Variants in GTF2A2 observed in about 807,000 individuals in gnomAD.
The protein encoded by GTF2A2 is general transcription factor IIA subunit 2.
Under a neutral mutation model 14.3 loss-of-function variants are expected in GTF2A2, and 9 were observed. That is an observed-to-expected ratio of 0.63 (90% confidence interval 0.38 to 1.10). GTF2A2 has a LOEUF of 1.10. Among genes scored for constraint, GTF2A2 ranks in the 50% least tolerant of loss-of-function variants. GTF2A2 has a pLI of 0.01. For synonymous variants in GTF2A2, 56 were observed against 46.0 expected (o/e 1.22, Z -0.88); for missense variants, 90 against 124.6 (o/e 0.72, Z 1.32).
At chr15:59,647,185 T>C (rs1891633629) in intron 3 of GTF2A2, among the ~76,000 whole-genome samples, 1 of 152,132 alleles carries the variant, frequency 6.6e-6, no homozygotes, top group African/African-American at 2.4e-5. Context: ...CACAACCTCC[T>C]GGGCTCAAGC....
intron 1 of GTF2A2, 31 bp from the exon 2 acceptor site, chr15:59,652,357 G>C: frequency 5.4e-6 from 4 of 740,974 alleles, no homozygotes; most frequent in Non-Finnish European, 9.2e-6. Context: ...TGTTAAAAAA[G>C]ATCATACTGT....
In GTF2A2 at chr15:59,639,086, G is replaced by GCAATGAATAACAGAAGA; in HGVS notation, c.*29_*45dup. Reference sequence around the variant, plus strand: ...GTCTCTTCTATGCTTCTCTTCAAAAGCAATGAATAACAGAAGATGGTGTAA... The same window carrying GCAATGAATAACAGAAGA: ...GTCTCTTCTATGCTTCTCTTCAAAAGCAATGAATAACAGAAGACAATGAATAACAGAAGATGGTGTAA... On this transcript the variant is annotated 3_prime_UTR_variant, in exon 5 of 5. Coordinates refer to ENST00000396060, the MANE Select transcript of GTF2A2 (RefSeq NM_004492.3). The GCAATGAATAACAGAAGA allele has an allele frequency of 2.7e-6, 3 of 1,100,360 alleles. No individual in the cohort carries two copies. The highest frequency in any genetic ancestry group is 4.2e-6 in the Non-Finnish European group (3 of 714,940). The allele number at this position is 1,100,360 out of a possible 1,614,324, so 68.2% of individuals were successfully genotyped here.
At chr15:59,648,761 CCT>C (rs1250894027) in intron 3 of GTF2A2, among the ~76,000 whole-genome samples, 6 of 151,852 alleles carry the variant, frequency 4.0e-5, no homozygotes, top group Admixed American at 2.0e-4. Flanking sequence ...GGTGAAACCC[CCT>C]CTCTACTAAA....
chr15:59,656,844 T>C (rs1354912375), intron 1 of GTF2A2: 3 of 152,250 alleles, frequency 2.0e-5, no homozygotes, highest in African/African-American at 7.2e-5. Context: ...TTAAGTGTTC[T>C]AATCTTTTAG....
intron 1 of GTF2A2, among the ~76,000 whole-genome samples, chr15:59,656,429 T>G (rs553699397): frequency 1.9e-3 from 35 of 18,532 alleles, no homozygotes; most frequent in African/African-American, 0.01. Flanking sequence ...TATATTTCTC[T>G]TTTTTTTTTT....
At chr15:59,639,658 C>T (rs1347231221) in intron 4 of GTF2A2, among the ~76,000 whole-genome samples, 1 of 151,936 alleles carries the variant, frequency 6.6e-6, no homozygotes, top group African/African-American at 2.4e-5. Flanking sequence ...CGGGGTTTCA[C>T]CATGTTAGCC....
At chr15:59,653,948 C>T (rs111470658) in intron 1 of GTF2A2, among the ~76,000 whole-genome samples, 28 of 152,260 alleles carry the variant, frequency 1.8e-4, no homozygotes, top group South Asian at 1.7e-3. Flanking sequence ...CCTTTCAGCT[C>T]GTCCTTCTAA....
intron 3 of GTF2A2, among the ~76,000 whole-genome samples, chr15:59,645,273 T>C (rs1284542148): frequency 6.6e-6 from 1 of 152,166 alleles, no homozygotes; most frequent in Non-Finnish European, 1.5e-5. Flanking sequence ...GGAGAAAGCA[T>C]GTGATTATGA....
At chr15:59,639,852 G>C (rs1472484791) in intron 4 of GTF2A2, among the ~76,000 whole-genome samples, 1 of 152,086 alleles carries the variant, frequency 6.6e-6, no homozygotes, top group Non-Finnish European at 1.5e-5. Context: ...TCGGGTTTAA[G>C]CAATTGTCCT....
chr15:59,646,456 C>T (rs889950777), intron 3 of GTF2A2, among the ~76,000 whole-genome samples: 1 of 152,108 alleles, frequency 6.6e-6, no homozygotes, highest in African/African-American at 2.4e-5. Flanking sequence ...GCCTTTGTGT[C>T]CTCATAGCTT....
chr15:59,649,556 A>T (rs1035547563), intron 3 of GTF2A2, among the ~76,000 whole-genome samples: 1 of 152,188 alleles, frequency 6.6e-6, no homozygotes, highest in East Asian at 1.9e-4. Context: ...AAAAAAACAC[A>T]AACTAATTTT....
intron 3 of GTF2A2, among the ~76,000 whole-genome samples, chr15:59,644,993 A>G (rs1891554728): frequency 6.6e-6 from 1 of 152,196 alleles, no homozygotes; most frequent in Non-Finnish European, 1.5e-5. Context: ...AGCTGGGTGA[A>G]TCAGAGAGGT....
Position 59,639,072 on chromosome 15 carries a change from G to A in GTF2A2, c.*60C>T. The A allele has an allele frequency of 3.2e-6, 3 of 946,896 alleles. No homozygotes were observed. The highest frequency in any genetic ancestry group is 2.4e-5 in the East Asian group (1 of 41,378). The allele number at this position is 946,896 out of a possible 1,614,324, so 58.7% of individuals were successfully genotyped here. A position where few individuals can be genotyped will look rare whatever the true frequency, so the allele number is the denominator to read the frequency against. Reference sequence around the variant, plus strand: ...AGAATAAATAAAAAGTCTCTTCTATGCTTCTCTTCAAAAGCAATGAATAAC... The same window carrying A: ...AGAATAAATAAAAAGTCTCTTCTATACTTCTCTTCAAAAGCAATGAATAAC... On this transcript the variant is annotated 3_prime_UTR_variant, in exon 5 of 5. Transcript: ENST00000396060.
At chr15:59,639,344 G>A (rs1410278385) in intron 4 of GTF2A2, among the ~76,000 whole-genome samples, 187 bp from the exon 5 acceptor site, 1 of 152,152 alleles carries the variant, frequency 6.6e-6, no homozygotes, top group African/African-American at 2.4e-5. Context: ...TTCCTTTTAA[G>A]CAGAGATACA....
At chr15:59,642,859 C>T (rs1595667920) in intron 3 of GTF2A2, among the ~76,000 whole-genome samples, 1 of 152,056 alleles carries the variant, frequency 6.6e-6, no homozygotes, top group African/African-American at 2.4e-5. Flanking sequence ...CTCCACCTCC[C>T]AGGTTCAAGA....
At chr15:59,643,873 C>T (rs1186263158) in intron 3 of GTF2A2, among the ~76,000 whole-genome samples, 7 of 151,686 alleles carry the variant, frequency 4.6e-5, no homozygotes, top group Non-Finnish European at 7.4e-5. Flanking sequence ...TTTGGAATTA[C>T]AGGCGTGAGC....
At position 59,643,165 on chromosome 15, in the gene GTF2A2, C is replaced by T. The variant is rs554917430; in HGVS notation, c.178-903G>A. On this transcript the variant is annotated intron_variant, in intron 3 of 4. Transcript: ENST00000396060. Reference sequence around the variant, plus strand: ...TGAGATCTTGGATCACTGCAACCTCCGCCACCCAAGTTCAAGCTATTCTCC... The same window carrying T: ...TGAGATCTTGGATCACTGCAACCTCTGCCACCCAAGTTCAAGCTATTCTCC... 1.5e-3 allele frequency among the ~76,000 whole-genome samples: 222 copies of T among 149,626 alleles called. 2 individuals are homozygous for T. Among genetic ancestry groups the T allele is most frequent in the African/African-American group, 5.1e-3 (208 of 40,468 alleles).
chr15:59,647,234 G>A (rs1464994544), intron 3 of GTF2A2, among the ~76,000 whole-genome samples: 3 of 151,740 alleles, frequency 2.0e-5, no homozygotes, highest in African/African-American at 7.3e-5. Context: ...CTGGGACTAT[G>A]GGCACACACC....
intron 1 of GTF2A2, among the ~76,000 whole-genome samples, chr15:59,656,215 A>G (rs1486901627): frequency 6.6e-6 from 1 of 152,174 alleles, no homozygotes; most frequent in African/African-American, 2.4e-5. Context: ...CTTCCTTGCT[A>G]TTCCTCAAAC....
Sources: gnomAD v4.1 joint callset for allele counts (sites outside exome capture counted in the v4.1 genomes callset) on GRCh38, gnomAD v4.1.1 for gene constraint, MANE v1.5 for transcripts, NCBI Gene and HGNC (gene_info 2026-07-23, HGNC 2026-07-21) for gene names.